ELOVL6: variants seen among roughly 807,000 people sequenced by gnomAD.
ELOVL6 encodes ELOVL fatty acid elongase 6.
Under a neutral mutation model 31.7 loss-of-function variants are expected in ELOVL6, and 8 were observed. The ratio of observed to expected loss-of-function variants is 0.25; its 90% CI spans 0.15 to 0.45. ELOVL6 has a LOEUF of 0.45. Ranked by LOEUF, ELOVL6 falls within the 20% of genes least tolerant of loss-of-function variation. The pLI, the probability that ELOVL6 is intolerant of heterozygous loss-of-function variation, is 1.00. For synonymous variants in ELOVL6, 101 were observed against 117.7 expected, an observed-to-expected ratio of 0.86 and a Z score of 0.92; for missense variants, 126 against 326.4, an observed-to-expected ratio of 0.39 and a Z score of 4.73.
At chr4:110,082,693 A>G (rs11098068) in intron 2 of ELOVL6, among the ~76,000 whole-genome samples, 87,744 of 150,978 alleles carry the variant, frequency 0.58, 27,549 homozygotes, top group African/African-American at 0.84. Context: ...ATGTATACAT[A>G]TGTAACAAAC....
At chr4:110,119,850 A>C (rs574044098) in intron 1 of ELOVL6, among the ~76,000 whole-genome samples, 1 of 152,182 alleles carries the variant, frequency 6.6e-6, no homozygotes, top group Non-Finnish European at 1.5e-5. Context: ...GTTTCTCTTT[A>C]CTGCCAGGTT....
rs990555318 is a variant in ELOVL6, at chr4:110,046,318, T to C, written c.*5020A>G. 3 of 152,224 alleles carry C rather than the reference T, an allele frequency of 2.0e-5. No individual in the cohort carries two copies. Among genetic ancestry groups the C allele is most frequent in the South Asian group, 2.1e-4 (1 of 4,830 alleles). 9.4% of individuals were successfully genotyped at this position (152,224 alleles called of 1,614,324 possible). A position where few individuals can be genotyped will look rare whatever the true frequency, so the allele number is the denominator to read the frequency against. The stretch of plus-strand genomic sequence containing the variant: ...ACCAGTTATTAATTTAACCAGTTAC[T>C]TCAGAAGAGGTTACTACAATGCAGT... On this transcript the variant is annotated 3_prime_UTR_variant, in exon 4 of 4. Coordinates refer to ENST00000302274, the MANE Select transcript of ELOVL6 (RefSeq NM_024090.3).
chr4:110,189,899 A>G (rs1273601197), intron 1 of ELOVL6, among the ~76,000 whole-genome samples: 1 of 151,380 alleles, frequency 6.6e-6, no homozygotes, highest in Non-Finnish European at 1.5e-5. Flanking sequence ...CCCGGGAGGC[A>G]GAGCTTGCAC....
intron 2 of ELOVL6, among the ~76,000 whole-genome samples, chr4:110,070,973 C>T (rs1407568441): frequency 6.6e-6 from 1 of 152,088 alleles, no homozygotes; most frequent in Admixed American, 6.6e-5. Flanking sequence ...ATTGGGAGAG[C>T]ACTTGAACCA....
chr4:110,144,811 A>C (rs925852043), intron 1 of ELOVL6, among the ~76,000 whole-genome samples: 2 of 152,332 alleles, frequency 1.3e-5, no homozygotes, highest in African/African-American at 4.8e-5. Context: ...ATCACTGTGA[A>C]GAGGATGTTT....
intron 2 of ELOVL6, among the ~76,000 whole-genome samples, chr4:110,084,586 ATATTTTTTTTTTTTTTT>A (rs1756186580): frequency 2.5e-5 from 1 of 39,582 alleles, no homozygotes; most frequent in African/African-American, 1.7e-4. Context: ...ATATATATAT[ATATTTTTTTTTTTTTTT>A]TTTTTTTTTG....
At chr4:110,173,008 A>T (rs1256356631) in intron 1 of ELOVL6, among the ~76,000 whole-genome samples, 1 of 152,188 alleles carries the variant, frequency 6.6e-6, no homozygotes, top group Non-Finnish European at 1.5e-5. Flanking sequence ...TTCCAGTGAC[A>T]CCTTCCCATT....
intron 1 of ELOVL6, among the ~76,000 whole-genome samples, chr4:110,161,154 C>T (rs7681294): frequency 0.45 from 68,100 of 151,912 alleles, 16,464 homozygotes; most frequent in East Asian, 0.64. Context: ...CACAAACGCC[C>T]ATGTAATGGA....
chr4:110,073,297 C>T (rs1264097913), intron 2 of ELOVL6, among the ~76,000 whole-genome samples: 1 of 151,930 alleles, frequency 6.6e-6, no homozygotes, highest in Non-Finnish European at 1.5e-5. Flanking sequence ...AGAGCTCACT[C>T]TTTTCACAGA....
chr4:110,171,369 A>C (rs1042022985), intron 1 of ELOVL6, among the ~76,000 whole-genome samples: 1 of 152,026 alleles, frequency 6.6e-6, no homozygotes, highest in Non-Finnish European at 1.5e-5. Context: ...AGATCGCGCC[A>C]TTGCACTCCA....
chr4:110,084,488 GTATACACAT>G (rs1560815549), intron 2 of ELOVL6, among the ~76,000 whole-genome samples: 4 of 41,706 alleles, frequency 9.6e-5, no homozygotes, highest in Admixed American at 3.1e-4. Flanking sequence ...ACACTATAAT[GTATACACAT>G]ATATATCATA....
At chr4:110,103,910 T>C (rs1756818391) in intron 2 of ELOVL6, among the ~76,000 whole-genome samples, 1 of 152,242 alleles carries the variant, frequency 6.6e-6, no homozygotes. Context: ...TAATACTGTG[T>C]TTGCTTTTAA....
At chr4:110,182,131 T>C (rs1468845809) in intron 1 of ELOVL6, among the ~76,000 whole-genome samples, 2 of 152,338 alleles carry the variant, frequency 1.3e-5, no homozygotes, top group African/African-American at 4.8e-5. Flanking sequence ...CTTTTGTCCC[T>C]GGGGAACCTT....
chr4:110,079,285 A>ACATTCTTTT (rs1471623197), intron 2 of ELOVL6, among the ~76,000 whole-genome samples: 1 of 152,236 alleles, frequency 6.6e-6, no homozygotes, highest in Non-Finnish European at 1.5e-5. Context: ...AACAGAATAT[A>ACATTCTTTT]CATTCTTTTC....
chr4:110,086,857 A>G (rs1756280832), intron 2 of ELOVL6, among the ~76,000 whole-genome samples: 1 of 152,204 alleles, frequency 6.6e-6, no homozygotes, highest in Non-Finnish European at 1.5e-5. Flanking sequence ...TTCCTATGGG[A>G]AAACTGATCC....
chr4:110,072,293 C>T (rs1276135250), intron 2 of ELOVL6, among the ~76,000 whole-genome samples: 3 of 152,160 alleles, frequency 2.0e-5, no homozygotes, highest in African/African-American at 7.2e-5. Flanking sequence ...CTGGCCAACA[C>T]GGCGAAACGC....
At chr4:110,088,971 G>A (rs1046384968) in intron 2 of ELOVL6, among the ~76,000 whole-genome samples, 1 of 152,146 alleles carries the variant, frequency 6.6e-6, no homozygotes, top group Non-Finnish European at 1.5e-5. Flanking sequence ...TCGTGGGTAA[G>A]GGAAACTACT....
rs779711809 is a variant in ELOVL6 at position 110,158,182 on chromosome 4, C to T, written c.89+40065G>A. 2.0e-3 allele frequency among the ~76,000 whole-genome samples: 304 copies of T among 152,238 alleles called. 2 individuals carry two copies. The highest frequency in any genetic ancestry group is 6.9e-4 in the Non-Finnish European group (47 of 68,020). On this transcript the variant is annotated intron_variant, in intron 1 of 3. Coordinates refer to ENST00000302274, the MANE Select transcript of ELOVL6 (RefSeq NM_024090.3). ...ACAAAAATCCAAACATACTATACAA[C>T]CCTATTCTGCTTTATATTATGAAAA...
chr4:110,079,286 C>A (rs971787779), intron 2 of ELOVL6, among the ~76,000 whole-genome samples: 1 of 152,188 alleles, frequency 6.6e-6, no homozygotes, highest in Non-Finnish European at 1.5e-5. Flanking sequence ...ACAGAATATA[C>A]ATTCTTTTCA....
Sources: allele counts gnomAD v4.1 joint callset (sites outside exome capture counted in the v4.1 genomes callset), GRCh38; gene constraint gnomAD v4.1.1; transcripts MANE v1.5; gene names NCBI Gene and HGNC (gene_info 2026-07-23, HGNC 2026-07-21).